LMO7: variants seen among roughly 807,000 people sequenced by gnomAD.
LMO7 encodes the protein LIM domain 7, also known as LIM domain only protein 7.
A neutral mutation model predicts 206.5 loss-of-function variants in LMO7; 120 were observed. That is an observed-to-expected ratio of 0.58 (90% CI 0.50 to 0.68). LMO7 has a LOEUF of 0.68. Ranked by LOEUF, LMO7 falls within the 30% of genes least tolerant of loss-of-function variation. LMO7 has a pLI of 0.00. For missense variants in LMO7, 1,959 were observed against 1,957.9 expected (o/e 1.00, Z -0.01); for synonymous variants, 706 against 681.5 (o/e 1.04, Z -0.56).
chr13:75,764,005 T>C (rs2048532842), intron 4 of LMO7, among the ~76,000 whole-genome samples: 1 of 152,214 alleles, frequency 6.6e-6, no homozygotes. Flanking sequence ...CTGTAAATTA[T>C]CCTCTTATGT....
At chr13:75,729,255 A>G (rs1486342041) in intron 3 of LMO7, among the ~76,000 whole-genome samples, 2 of 150,300 alleles carry the variant, frequency 1.3e-5, no homozygotes, top group Admixed American at 6.6e-5. Flanking sequence ...CTTCCTATCC[A>G]TGAGCATGGA....
intron 1 of LMO7, among the ~76,000 whole-genome samples, chr13:75,641,876 T>G (rs1360862969): frequency 2.6e-5 from 4 of 151,958 alleles, no homozygotes; most frequent in Non-Finnish European, 5.9e-5. Flanking sequence ...CTCAGGCTGG[T>G]CTCAAACTCC....
At chr13:75,802,061 C>T (rs191452833) in intron 7 of LMO7, among the ~76,000 whole-genome samples, 99 of 152,120 alleles carry the variant, frequency 6.5e-4, no homozygotes, top group Non-Finnish European at 1.0e-3. Context: ...GTCCTAAATA[C>T]TTCAGTATGA....
chr13:75,731,458 C>G (rs2045208391), intron 3 of LMO7, among the ~76,000 whole-genome samples: 2 of 152,018 alleles, frequency 1.3e-5, no homozygotes, highest in East Asian at 1.9e-4. Context: ...CAACCCCTGC[C>G]TTTTTTTGTT....
intron 4 of LMO7, among the ~76,000 whole-genome samples, chr13:75,762,463 C>T (rs574261995): frequency 6.6e-6 from 1 of 152,220 alleles, no homozygotes; most frequent in Non-Finnish European, 1.5e-5. Flanking sequence ...TAACGTGCTT[C>T]CCCCTAAAAT....
chr13:75,684,834 C>T (rs950637274), intron 1 of LMO7, among the ~76,000 whole-genome samples: 38 of 137,152 alleles, frequency 2.8e-4, no homozygotes, highest in Non-Finnish European at 4.0e-4. Context: ...TATACACACA[C>T]GCACATACAC....
intron 17 of LMO7, 66 bp from the exon 18 acceptor site, chr13:75,835,167 A>G (rs2059020350): frequency 1.3e-6 from 2 of 1,596,208 alleles, no homozygotes; most frequent in Admixed American, 1.8e-5. Context: ...GGCAAAGACC[A>G]ACCTTCCCTG....
chr13:75,704,258 A>C (rs1050518783), intron 1 of LMO7, among the ~76,000 whole-genome samples: 1 of 152,154 alleles, frequency 6.6e-6, no homozygotes, highest in Non-Finnish European at 1.5e-5. Context: ...TATGGCAAAC[A>C]TGGCTCTTGG....
intron 16 of LMO7, among the ~76,000 whole-genome samples, chr13:75,833,983 G>T (rs545567739): frequency 6.6e-6 from 1 of 152,128 alleles, no homozygotes; most frequent in East Asian, 1.9e-4. Flanking sequence ...AAGTCTTATT[G>T]AATAGATGAG....
chr13:75,771,734 AC>A (rs1387571156), intron 4 of LMO7, among the ~76,000 whole-genome samples: 48 of 152,158 alleles, frequency 3.2e-4, no homozygotes, highest in African/African-American at 1.1e-3. Flanking sequence ...AGAAAACATA[AC>A]ATGGGATATT....
chr13:75,681,441 T>C (rs2040475173), intron 1 of LMO7, among the ~76,000 whole-genome samples: 1 of 152,082 alleles, frequency 6.6e-6, no homozygotes, highest in Non-Finnish European at 1.5e-5. Context: ...TCCTTTTAAA[T>C]TGAAATATGA....
At chr13:75,717,848 G>A (rs2043682760) in intron 2 of LMO7, among the ~76,000 whole-genome samples, 1 of 152,202 alleles carries the variant, frequency 6.6e-6, no homozygotes, top group African/African-American at 2.4e-5. Context: ...AGGTGTTTCT[G>A]GTTTTGAATT....
chr13:75,702,254 T>C (rs1861925566), intron 1 of LMO7, among the ~76,000 whole-genome samples: 1 of 152,204 alleles, frequency 6.6e-6, no homozygotes, highest in Admixed American at 6.5e-5. Flanking sequence ...TCCCTGCTCC[T>C]TCCTTCTGGC....
chr13:75,848,693 T>C (rs1020203047), intron 26 of LMO7, among the ~76,000 whole-genome samples: 2 of 152,212 alleles, frequency 1.3e-5, no homozygotes, highest in Non-Finnish European at 2.9e-5. Context: ...CATTTTTGCC[T>C]TGCAAATTGT....
chr13:75,700,061 CTGCCCGGCCCTGCAGGCAG>C (rs2042177586), intron 1 of LMO7, among the ~76,000 whole-genome samples: 1 of 152,228 alleles, frequency 6.6e-6, no homozygotes, highest in South Asian at 2.1e-4. Flanking sequence ...TGACTCTGTT[CTGCCCGGCCCTGCAGGCAG>C]TCAGGCCTTA....
intron 3 of LMO7, among the ~76,000 whole-genome samples, chr13:75,741,754 A>T (rs2046429997): frequency 6.6e-6 from 1 of 152,210 alleles, no homozygotes; most frequent in African/African-American, 2.4e-5. Flanking sequence ...GCCATCTTTG[A>T]CAAACCCAGA....
intron 1 of LMO7, among the ~76,000 whole-genome samples, chr13:75,656,007 G>C (rs181065136): frequency 3.9e-4 from 60 of 152,232 alleles, no homozygotes; most frequent in African/African-American, 1.4e-3. Context: ...AGATGTCTCT[G>C]CTCCTAGGTT....
At chr13:75,643,402 C>T (rs939741991) in intron 1 of LMO7, among the ~76,000 whole-genome samples, 29 of 152,334 alleles carry the variant, frequency 1.9e-4, no homozygotes, top group African/African-American at 6.5e-4. Flanking sequence ...TTCTAGTTAG[C>T]ATCTGCTGAT....
chr13:75,837,067 C>A (rs1285370427), intron 19 of LMO7, among the ~76,000 whole-genome samples: 1 of 152,068 alleles, frequency 6.6e-6, no homozygotes, highest in Non-Finnish European at 1.5e-5. Context: ...GGGAAGAAAC[C>A]CAAAGAAGAC....
Sources: gnomAD v4.1 joint callset for allele counts (sites outside exome capture counted in the v4.1 genomes callset) on GRCh38, gnomAD v4.1.1 for gene constraint, MANE v1.5 for transcripts, NCBI Gene and HGNC (gene_info 2026-07-23, HGNC 2026-07-21) for gene names.